The following ADAMTSL1 variants were observed in gnomAD, a reference collection of about 807,000 sequenced individuals.
ADAMTSL1 encodes the protein ADAMTS like 1, also known as ADAMTS-like protein 1.
In ADAMTSL1, 126 loss-of-function variants were observed where a neutral mutation model predicts 201.8. That is an observed-to-expected ratio of 0.62 (90% CI 0.54 to 0.72). The LOEUF (loss-of-function observed/expected upper bound fraction) is 0.72. Ranked by LOEUF, ADAMTSL1 falls within the 30% of genes least tolerant of loss-of-function variation. The pLI, the probability that ADAMTSL1 is intolerant of heterozygous loss-of-function variation, is 0.00. For missense variants in ADAMTSL1, 2,679 were observed against 2,277.8 expected, an observed-to-expected ratio of 1.18 and a Z score of -3.59; for synonymous variants, 1,121 against 903.4, an observed-to-expected ratio of 1.24 and a Z score of -4.32.
chr9:18,557,994 C>T (rs955345694), intron 3 of ADAMTSL1, among the ~76,000 whole-genome samples: 1 of 151,992 alleles, frequency 6.6e-6, no homozygotes, highest in Non-Finnish European at 1.5e-5. Flanking sequence ...TTTGAACTCA[C>T]TGCTGAGGGA....
At chr9:18,397,435 C>A (rs970071067) in intron 2 of ADAMTSL1, among the ~76,000 whole-genome samples, 6 of 152,010 alleles carry the variant, frequency 3.9e-5, no homozygotes, top group Non-Finnish European at 8.8e-5. Context: ...AAAAAAAGCT[C>A]AAGATGAAAA....
intron 1 of ADAMTSL1, among the ~76,000 whole-genome samples, chr9:18,097,596 A>C (rs1423725819): frequency 1.3e-5 from 2 of 152,102 alleles, no homozygotes; most frequent in African/African-American, 4.8e-5. Flanking sequence ...TGTCTTTCCA[A>C]TTTTCATCAA....
chr9:18,287,150 C>G (rs1477336584), intron 2 of ADAMTSL1, among the ~76,000 whole-genome samples: 6 of 152,108 alleles, frequency 3.9e-5, no homozygotes, highest in Admixed American at 1.3e-4. Context: ...GGCCTTGTTA[C>G]TGGATATTGC....
chr9:18,257,877 A>G (rs1395527890), intron 2 of ADAMTSL1, among the ~76,000 whole-genome samples: 3 of 152,248 alleles, frequency 2.0e-5, no homozygotes, highest in Admixed American at 6.5e-5. Context: ...GACAAATACT[A>G]TGTGATTCCA....
chr9:18,818,218 T>C (rs1214727714), intron 21 of ADAMTSL1, among the ~76,000 whole-genome samples: 1 of 152,110 alleles, frequency 6.6e-6, no homozygotes, highest in Non-Finnish European at 1.5e-5. Flanking sequence ...GTCTTCTGAT[T>C]GCTGTCCTCA....
intron 4 of ADAMTSL1, among the ~76,000 whole-genome samples, chr9:18,608,272 A>C (rs1373958730): frequency 6.6e-6 from 1 of 152,196 alleles, no homozygotes; most frequent in African/African-American, 2.4e-5. Context: ...ACTATTATAA[A>C]ACTGTAGTGT....
intron 4 of ADAMTSL1, among the ~76,000 whole-genome samples, chr9:18,600,146 C>G (rs951788383): frequency 2.0e-5 from 3 of 152,042 alleles, no homozygotes; most frequent in Admixed American, 6.6e-5. Flanking sequence ...ACAGCCTGGA[C>G]CTGTAGCTAT....
At chr9:18,262,947 C>G (rs537763957) in intron 2 of ADAMTSL1, among the ~76,000 whole-genome samples, 1 of 152,282 alleles carries the variant, frequency 6.6e-6, no homozygotes, top group South Asian at 2.1e-4. Flanking sequence ...ACATAAACAT[C>G]TGATTGATGA....
intron 1 of ADAMTSL1, among the ~76,000 whole-genome samples, chr9:17,946,733 T>C (rs1046244762): frequency 2.6e-5 from 4 of 152,184 alleles, no homozygotes; most frequent in African/African-American, 9.6e-5. Flanking sequence ...ACCATTGAAT[T>C]ATTTCAGTTG....
intron 1 of ADAMTSL1, among the ~76,000 whole-genome samples, chr9:18,156,628 A>G (rs1827165976): frequency 2.1e-5 from 2 of 94,788 alleles, no homozygotes; most frequent in Non-Finnish European, 2.4e-5. Flanking sequence ...AAGCACAGAC[A>G]TAAACACATA....
At chr9:18,289,917 G>C (rs1833183256) in intron 2 of ADAMTSL1, among the ~76,000 whole-genome samples, 1 of 152,310 alleles carries the variant, frequency 6.6e-6, no homozygotes, top group African/African-American at 2.4e-5. Flanking sequence ...AAGGTAACCA[G>C]CTAGTGAGAA....
At chr9:18,568,310 A>G (rs900857979) in intron 3 of ADAMTSL1, among the ~76,000 whole-genome samples, 7 of 152,210 alleles carry the variant, frequency 4.6e-5, no homozygotes, top group African/African-American at 1.7e-4. Context: ...CCAAGTAACA[A>G]AGACCAAAAT....
chr9:18,380,246 G>A (rs981576602), intron 2 of ADAMTSL1, among the ~76,000 whole-genome samples: 2 of 152,020 alleles, frequency 1.3e-5, no homozygotes, highest in Admixed American at 1.3e-4. Flanking sequence ...GGGGGAAGAA[G>A]GATTACAAAA....
intron 2 of ADAMTSL1, among the ~76,000 whole-genome samples, chr9:18,201,934 C>T (rs1390016866): frequency 6.6e-6 from 1 of 152,036 alleles, no homozygotes; most frequent in African/African-American, 2.4e-5. Context: ...AATTTATCAC[C>T]ACTGAATTTG....
At chr9:18,084,526 A>C (rs1356380848) in intron 1 of ADAMTSL1, among the ~76,000 whole-genome samples, 2 of 151,982 alleles carry the variant, frequency 1.3e-5, no homozygotes, top group African/African-American at 2.4e-5. Context: ...CATCTCAAAA[A>C]AAAAAGAAAA....
chr9:17,927,369 T>G (rs942885013), intron 1 of ADAMTSL1, among the ~76,000 whole-genome samples: 2 of 152,172 alleles, frequency 1.3e-5, no homozygotes, highest in African/African-American at 4.8e-5. Flanking sequence ...TATACATATG[T>G]GCATATACAT....
intron 1 of ADAMTSL1, among the ~76,000 whole-genome samples, chr9:17,924,198 T>C (rs1266706068): frequency 6.6e-6 from 1 of 151,892 alleles, no homozygotes; most frequent in Non-Finnish European, 1.5e-5. Context: ...TCAGAAGGAA[T>C]GGTACCAGTT....
intron 7 of ADAMTSL1, among the ~76,000 whole-genome samples, chr9:18,648,813 C>T (rs1436457122): frequency 6.6e-6 from 1 of 151,928 alleles, no homozygotes; most frequent in African/African-American, 2.4e-5. Context: ...CTCTGGCTGC[C>T]CTTAACATTT....
intron 1 of ADAMTSL1, among the ~76,000 whole-genome samples, chr9:17,995,501 G>C (rs1819336181): frequency 6.6e-6 from 1 of 152,124 alleles, no homozygotes; most frequent in African/African-American, 2.4e-5. Flanking sequence ...TTGGCAAAAG[G>C]AAATTAGGTG....
Sources: allele counts gnomAD v4.1 joint callset (sites outside exome capture counted in the v4.1 genomes callset), GRCh38; gene constraint gnomAD v4.1.1; transcripts MANE v1.5; gene names NCBI Gene and HGNC (gene_info 2026-07-23, HGNC 2026-07-21).